The following EIF2B3 variants were observed in gnomAD, a reference collection of about 807,000 sequenced individuals.
The protein encoded by EIF2B3 is translation initiation factor eIF2B subunit gamma.
In EIF2B3, 20 loss-of-function variants were observed where a neutral mutation model predicts 54.1. The ratio of observed to expected loss-of-function variants is 0.37; its 90% CI spans 0.26 to 0.54. EIF2B3 has a LOEUF of 0.54. Ranked by LOEUF, EIF2B3 falls within the 20% of genes least tolerant of loss-of-function variation. The pLI is 0.86. For synonymous variants in EIF2B3, 153 were observed against 188.1 expected (o/e 0.81, Z 1.52); for missense variants, 448 against 547.8 (o/e 0.82, Z 1.82).
intron 2 of EIF2B3, 125 bp downstream of exon 2, chr1:44,980,896 A>T: frequency 8.5e-7 from 1 of 1,179,106 alleles, no homozygotes; most frequent in Non-Finnish European, 1.3e-6. Context: ...TACATTCCTT[A>T]AAGAAGGCAG....
chr1:44,962,860 G>A (rs944828282), intron 3 of EIF2B3, among the ~76,000 whole-genome samples: 2 of 152,170 alleles, frequency 1.3e-5, no homozygotes, highest in Non-Finnish European at 2.9e-5. Flanking sequence ...TATAGTTCTT[G>A]CCTCACAGTA....
intron 3 of EIF2B3, among the ~76,000 whole-genome samples, chr1:44,972,248 CAA>C (rs769489876): frequency 0.29 from 41,645 of 143,234 alleles, 6,340 homozygotes; most frequent in African/African-American, 0.4. Context: ...CACACACACA[CAA>C]ACACACACAC....
chr1:44,862,700 A>G (rs1654646897), intron 10 of EIF2B3, among the ~76,000 whole-genome samples: 1 of 152,148 alleles, frequency 6.6e-6, no homozygotes, highest in South Asian at 2.1e-4. Flanking sequence ...ATCTCGGCTC[A>G]CTGTCTCCTG....
chr1:44,874,549 T>C (rs935268756), intron 10 of EIF2B3, 129 bp downstream of exon 10: 1 of 960,896 alleles, frequency 1.0e-6, no homozygotes, highest in Non-Finnish European at 1.5e-6. Context: ...AAAATGTTTT[T>C]ATTCTATTGC....
chr1:44,985,681 A>T (rs1644566811), intron 1 of EIF2B3, among the ~76,000 whole-genome samples: 1 of 152,178 alleles, frequency 6.6e-6, no homozygotes, highest in Non-Finnish European at 1.5e-5. Context: ...GAAGAAAGGC[A>T]ACCTAGGAAG....
At chr1:44,982,598 A>T (rs953201419) in intron 1 of EIF2B3, among the ~76,000 whole-genome samples, 3 of 150,040 alleles carry the variant, frequency 2.0e-5, no homozygotes, top group African/African-American at 7.4e-5. Context: ...TGCCCATCCT[A>T]TTTATTTATT....
At chr1:44,954,717 C>A (rs1301940677) in intron 3 of EIF2B3, among the ~76,000 whole-genome samples, 1 of 152,102 alleles carries the variant, frequency 6.6e-6, no homozygotes, top group Non-Finnish European at 1.5e-5. Context: ...ACCTTTATTT[C>A]TTTCTCTTGC....
chr1:44,857,847 G>T, intron 10 of EIF2B3, 40 bp from the exon 11 acceptor site: 1 of 1,581,728 alleles, frequency 6.3e-7, no homozygotes. Context: ...CCCAAGGCTC[G>T]CATCACCATC....
intron 6 of EIF2B3, among the ~76,000 whole-genome samples, chr1:44,882,493 AG>A (rs2148906276): frequency 6.7e-6 from 1 of 150,168 alleles, no homozygotes; most frequent in East Asian, 1.9e-4. Context: ...CCCAGGCTGG[AG>A]TACAGTGGTG....
chr1:44,960,854 C>A (rs567221646), intron 3 of EIF2B3, among the ~76,000 whole-genome samples: 1 of 152,064 alleles, frequency 6.6e-6, no homozygotes, highest in African/African-American at 2.4e-5. Flanking sequence ...TACCAAAGGA[C>A]GACTGTATTT....
intron 1 of EIF2B3, 73 bp from the exon 2 acceptor site, chr1:44,981,250 C>T: frequency 2.0e-6 from 3 of 1,521,886 alleles, no homozygotes; most frequent in Non-Finnish European, 2.7e-6. Flanking sequence ...TACTACTAGC[C>T]TATTTTTATT....
intron 3 of EIF2B3, among the ~76,000 whole-genome samples, chr1:44,959,561 T>G (rs999721161): frequency 6.6e-6 from 1 of 152,118 alleles, no homozygotes; most frequent in Non-Finnish European, 1.5e-5. Context: ...GTAAAGATAA[T>G]TTAGCTAACT....
chr1:44,957,258 C>T (rs1644235394), intron 3 of EIF2B3, among the ~76,000 whole-genome samples: 1 of 101,410 alleles, frequency 9.9e-6, no homozygotes, highest in Non-Finnish European at 2.2e-5. Context: ...AGGGCAAGAC[C>T]TAAAAGTTTT....
chr1:44,933,242 TC>T (rs1447531404), intron 4 of EIF2B3, among the ~76,000 whole-genome samples: 4 of 152,154 alleles, frequency 2.6e-5, no homozygotes, highest in Non-Finnish European at 5.9e-5. Flanking sequence ...ACTACAAGGC[TC>T]AACTGTGAAT....
intron 3 of EIF2B3, among the ~76,000 whole-genome samples, chr1:44,966,008 G>A (rs896879278): frequency 6.6e-6 from 1 of 152,070 alleles, no homozygotes; most frequent in African/African-American, 2.4e-5. Context: ...AGCCTCTGAA[G>A]GAAGAGAACC....
chr1:44,977,549 C>G (rs988003076), intron 3 of EIF2B3, among the ~76,000 whole-genome samples: 1 of 151,756 alleles, frequency 6.6e-6, no homozygotes, highest in South Asian at 2.1e-4. Context: ...ACTGCAACCT[C>G]CACCTCCTGG....
intron 3 of EIF2B3, among the ~76,000 whole-genome samples, chr1:44,942,356 T>A (rs6684417): frequency 0.14 from 14,019 of 99,018 alleles, 2,109 homozygotes; most frequent in African/African-American, 0.36. Context: ...AGGTTTTCTC[T>A]TATTGGTGGG....
intron 5 of EIF2B3, among the ~76,000 whole-genome samples, chr1:44,911,587 G>A (rs893807433): frequency 6.6e-6 from 1 of 152,214 alleles, no homozygotes; most frequent in Non-Finnish European, 1.5e-5. Flanking sequence ...TCCATTGTAT[G>A]GAGCCATAAA....
At chr1:44,930,590 A>G (rs1643888240) in intron 4 of EIF2B3, among the ~76,000 whole-genome samples, 1 of 152,200 alleles carries the variant, frequency 6.6e-6, no homozygotes, top group Admixed American at 6.5e-5. Flanking sequence ...ATGGTAAGAG[A>G]CTAGATGAAA....
Sources: gnomAD v4.1 joint callset for allele counts (sites outside exome capture counted in the v4.1 genomes callset) on GRCh38, gnomAD v4.1.1 for gene constraint, MANE v1.5 for transcripts, NCBI Gene and HGNC (gene_info 2026-07-23, HGNC 2026-07-21) for gene names.